E2F3: variants seen among roughly 807,000 people sequenced by gnomAD.
E2F3 encodes E2F transcription factor 3, also known as transcription factor E2F3.
E2F3 carries 11 observed loss-of-function variants against 44.4 expected under a neutral mutation model. That is an observed-to-expected ratio of 0.25 (90% CI 0.16 to 0.41). E2F3 has a LOEUF of 0.41. E2F3 is among the 10% of genes least tolerant of loss of function. The probability of loss-of-function intolerance (pLI) is 1.00; values close to 1 mark genes in which losing one functional copy is unlikely to be tolerated. For missense variants in E2F3, 487 were observed against 583.6 expected (o/e 0.83, Z 1.70); for synonymous variants, 249 against 253.0 (o/e 0.98, Z 0.15).
At chr6:20,430,390 C>T (rs541607301) in intron 1 of E2F3, among the ~76,000 whole-genome samples, 2 of 152,250 alleles carry the variant, frequency 1.3e-5, no homozygotes, top group Admixed American at 1.3e-4. Context: ...CATCTCCCTG[C>T]ATAACTTTAT....
rs552407811 is a variant in E2F3, at chr6:20,466,908, C to CTGACCTCG, written c.394-12932_394-12925dup. Among the ~76,000 whole-genome samples, 170 of 152,222 alleles carry CTGACCTCG rather than the reference C, an allele frequency of 1.1e-3. 7 individuals carry two copies. In the South Asian group the frequency reaches 0.034, roughly 31 times the overall value. ...TCTTGGCCAGGCTGGTCTTGAGCTC[C>CTGACCTCG]TGACCTCGTGACCCACCTGCCTTGG... On this transcript the variant is annotated intron_variant, in intron 1 of 6. Coordinates refer to ENST00000346618, the MANE Select transcript of E2F3 (RefSeq NM_001949.5).
At position 20,486,647 on chromosome 6, in the gene E2F3, T is replaced by C. The variant is rs116110490; in HGVS notation, c.885-42T>C. The stretch of plus-strand genomic sequence containing the variant: ...TATTTTGTCATTTTCATCATACTTA[T>C]ATCTGAGGTAATTAGATGGAAGATT... On this transcript the variant is annotated intron_variant, in intron 4 of 6. Coordinates refer to ENST00000346618, the MANE Select transcript of E2F3 (RefSeq NM_001949.5). 1,048 of 1,042,356 alleles carry C rather than the reference T, an allele frequency of 1.0e-3. 12 individuals are homozygous for C. The African/African-American group carries it at 0.011, about 11-fold the overall frequency. The allele number at this position is 1,042,356 out of a possible 1,614,324, so 64.6% of individuals were successfully genotyped here. A position where few individuals can be genotyped will look rare whatever the true frequency, so the allele number is the denominator to read the frequency against.
chr6:20,454,191 T>A (rs1272848226), intron 1 of E2F3, among the ~76,000 whole-genome samples: 1 of 152,226 alleles, frequency 6.6e-6, no homozygotes, highest in Non-Finnish European at 1.5e-5. Context: ...AGTCTCAACA[T>A]CAGCTGAGAA....
chr6:20,477,030 T>A (rs1430946355), intron 1 of E2F3, among the ~76,000 whole-genome samples: 1 of 152,244 alleles, frequency 6.6e-6, no homozygotes, highest in Non-Finnish European at 1.5e-5. Flanking sequence ...ATTTTAATGC[T>A]ACATCTGACC....
At chr6:20,447,248 A>G (rs1760976850) in intron 1 of E2F3, among the ~76,000 whole-genome samples, 1 of 152,132 alleles carries the variant, frequency 6.6e-6, no homozygotes, top group Admixed American at 6.6e-5. Flanking sequence ...GGGGAAGGGC[A>G]CTGCCTTTCT....
Position 20,465,163 on chromosome 6 carries a change from TA to T in E2F3, c.394-14681del, listed in dbSNP as rs575236696. 4.6e-5 allele frequency among the ~76,000 whole-genome samples: 7 copies of T among 152,334 alleles called. No homozygotes were observed. The East Asian group carries it at 9.6e-4, about 21-fold the overall frequency. On this transcript the variant is annotated intron_variant, in intron 1 of 6. Transcript: ENST00000346618. ...CAGACGATTTTCCCACTTGTGTCCA[TA>T]AGGCTGTGGGTACCCAGCAGGGGAC...
At chr6:20,457,251 T>C (rs1761336370) in intron 1 of E2F3, among the ~76,000 whole-genome samples, 1 of 151,750 alleles carries the variant, frequency 6.6e-6, no homozygotes, top group South Asian at 2.1e-4. Context: ...CTTGGCTCAC[T>C]GCACCCTCCG....
Position 20,404,797 on chromosome 6 carries a change from G to T in E2F3, c.393+2172G>T, listed in dbSNP as rs569339219. Among the ~76,000 whole-genome samples the T allele has an allele frequency of 3.9e-5, 6 of 152,240 alleles. No individual in the cohort carries two copies. In the East Asian group the frequency reaches 9.6e-4, roughly 24 times the overall value. On this transcript the variant is annotated intron_variant, in intron 1 of 6. Coordinates refer to ENST00000346618, the MANE Select transcript of E2F3 (RefSeq NM_001949.5). Reference sequence around the variant, plus strand: ...TACCTGCTTAGACATAGCAGTATCCGGTGTGCTGGGTTTTCAGTCGCAAGA... The same window carrying T: ...TACCTGCTTAGACATAGCAGTATCCTGTGTGCTGGGTTTTCAGTCGCAAGA...
At chr6:20,424,814 T>C (rs1167174014) in intron 1 of E2F3, among the ~76,000 whole-genome samples, 1 of 152,190 alleles carries the variant, frequency 6.6e-6, no homozygotes, top group Non-Finnish European at 1.5e-5. Context: ...TATCCTCATC[T>C]GTAGATGAGG....
intron 1 of E2F3, among the ~76,000 whole-genome samples, chr6:20,453,563 C>G (rs1257146363): frequency 6.6e-6 from 1 of 152,074 alleles, no homozygotes; most frequent in Non-Finnish European, 1.5e-5. Context: ...CACAGGTGCA[C>G]ACCACCATGC....
chr6:20,420,724 G>A (rs1288555161), intron 1 of E2F3, among the ~76,000 whole-genome samples: 1 of 152,204 alleles, frequency 6.6e-6, no homozygotes, highest in East Asian at 1.9e-4. Flanking sequence ...TTTTGCTGGT[G>A]GAGGGTTTTG....
intron 1 of E2F3, among the ~76,000 whole-genome samples, chr6:20,404,104 A>G (rs1480854058): frequency 7.8e-6 from 1 of 128,492 alleles, no homozygotes; most frequent in Non-Finnish European, 1.8e-5. Context: ...GATGGGCGAT[A>G]GAAAACCGGA....
intron 1 of E2F3, among the ~76,000 whole-genome samples, chr6:20,476,738 C>T (rs1001771029): frequency 1.3e-5 from 2 of 152,216 alleles, no homozygotes; most frequent in Admixed American, 6.5e-5. Context: ...GCCTGGATCA[C>T]CTGTGTGCAC....
At chr6:20,418,975 A>T (rs1759938844) in intron 1 of E2F3, among the ~76,000 whole-genome samples, 1 of 152,290 alleles carries the variant, frequency 6.6e-6, no homozygotes, top group African/African-American at 2.4e-5. Flanking sequence ...CTTCCCAGAG[A>T]TAACCACAAT....
At chr6:20,409,975 G>A (rs528870061) in intron 1 of E2F3, among the ~76,000 whole-genome samples, 4 of 152,298 alleles carry the variant, frequency 2.6e-5, no homozygotes, top group South Asian at 2.1e-4. Context: ...GTTTTTTGGC[G>A]AGTAGAGTTT....
chr6:20,448,258 A>C (rs1040970081), intron 1 of E2F3, among the ~76,000 whole-genome samples: 14 of 152,186 alleles, frequency 9.2e-5, no homozygotes, highest in Admixed American at 3.3e-4. Flanking sequence ...TCAGCTCTCC[A>C]AGGAGTGCTC....
At chr6:20,470,222 C>T (rs1416325708) in intron 1 of E2F3, among the ~76,000 whole-genome samples, 1 of 152,214 alleles carries the variant, frequency 6.6e-6, no homozygotes, top group Non-Finnish European at 1.5e-5. Flanking sequence ...TTCATGCCCT[C>T]CTGGACCCAC....
At position 20,490,103 on chromosome 6, in the gene E2F3, C is replaced by A; in HGVS notation, c.1136-65C>A. ...TTTTTCTAACAGCAACATATACATT[C>A]TTCCAGAAAAATTCATTTGATTTTT... On this transcript the variant is annotated intron_variant, in intron 6 of 6. Coordinates refer to ENST00000346618, the MANE Select transcript of E2F3 (RefSeq NM_001949.5). This position sits in a 1 kb window ranked among gnomAD's most constrained non-coding sequence, Gnocchi z 4.3. The A allele has an allele frequency of 6.7e-7, 1 of 1,498,478 alleles. No individual in the cohort carries two copies. The highest frequency in any genetic ancestry group is 2.3e-5 in the East Asian group (1 of 43,216). 92.8% of individuals were successfully genotyped at this position (1,498,478 alleles called of 1,614,324 possible).
intron 1 of E2F3, among the ~76,000 whole-genome samples, chr6:20,457,045 T>C (rs1442664918): frequency 6.6e-6 from 1 of 152,190 alleles, no homozygotes; most frequent in African/African-American, 2.4e-5. Flanking sequence ...GACGTAGGTA[T>C]GGCTTCAGAG....
Sources: gnomAD v4.1 joint callset for allele counts (sites outside exome capture counted in the v4.1 genomes callset) on GRCh38, gnomAD v4.1.1 for gene constraint, Gnocchi (gnomAD v3.1) non-coding constraint, MANE v1.5 for transcripts, NCBI Gene and HGNC (gene_info 2026-07-23, HGNC 2026-07-21) for gene names.